PAN3: variants seen among roughly 807,000 people sequenced by gnomAD.
PAN3 encodes the protein poly(A) specific ribonuclease subunit PAN3.
A neutral mutation model predicts 96.2 loss-of-function variants in PAN3; 19 were observed. That is an observed-to-expected ratio of 0.20 (90% CI 0.14 to 0.29). The LOEUF is 0.29. Ranked by LOEUF, PAN3 falls within the 10% of genes least tolerant of loss-of-function variation. The pLI is 1.00. For synonymous variants in PAN3, 433 were observed against 406.6 expected (o/e 1.06, Z -0.78); for missense variants, 882 against 1,108.1 (o/e 0.80, Z 2.90).
At chr13:28,201,196 A>G (rs1053214982) in intron 5 of PAN3, among the ~76,000 whole-genome samples, 1 of 145,324 alleles carries the variant, frequency 6.9e-6, no homozygotes, top group African/African-American at 2.6e-5. Flanking sequence ...CACTGCACCC[A>G]CCTAATTTTT....
intron 5 of PAN3, among the ~76,000 whole-genome samples, chr13:28,219,356 C>T (rs1350331903): frequency 6.6e-6 from 1 of 151,590 alleles, no homozygotes; most frequent in East Asian, 1.9e-4. Flanking sequence ...TGATAATACT[C>T]GTTTTGGAGT....
At chr13:28,289,016 C>G (rs529791299) in intron 18 of PAN3, among the ~76,000 whole-genome samples, 93 of 151,914 alleles carry the variant, frequency 6.1e-4, no homozygotes, top group African/African-American at 2.2e-3. Context: ...TTAGTAGAGA[C>G]AGGATTTCAC....
At chr13:28,152,038 A>G (rs1236424504) in intron 1 of PAN3, among the ~76,000 whole-genome samples, 1 of 152,184 alleles carries the variant, frequency 6.6e-6, no homozygotes, top group Non-Finnish European at 1.5e-5. Context: ...AAATCTATTG[A>G]TAAATCAGTA....
chr13:28,189,893 A>G (rs190901047), intron 4 of PAN3, among the ~76,000 whole-genome samples: 3 of 152,164 alleles, frequency 2.0e-5, no homozygotes, highest in African/African-American at 4.8e-5. Flanking sequence ...TATATTTTCA[A>G]ACCTTTTCTT....
In PAN3 at chr13:28,138,952, C is replaced by G; in HGVS notation, c.295C>G (p.Pro99Ala). 1.5e-6 allele frequency: 2 copies of G among 1,310,908 alleles called. No homozygotes were observed. The highest frequency in any genetic ancestry group is 1.9e-6 in the Non-Finnish European group (2 of 1,030,886). The allele number at this position is 1,310,908 out of a possible 1,614,324, so 81.2% of individuals were successfully genotyped here. ...GGCTGGTGCACCCGTGGCCGGCTTTCCGCCGGGAGCCGTCGCGGGCGGGGG... is the reference window on the plus strand; with the variant it reads ...GGCTGGTGCACCCGTGGCCGGCTTTGCGCCGGGAGCCGTCGCGGGCGGGGG... ...ALAGAPVAGFPPGAVAGGGAG... is the reference protein window; with the variant it reads ...ALAGAPVAGFAPGAVAGGGAG... Residue 99 changes from proline (P) to alanine (A), a missense_variant, in exon 1 of 19, where the codon CCG becomes GCG. Physicochemically the swap from Pro to Ala is conservative, Grantham distance 27. Coordinates refer to ENST00000380958, the MANE Select transcript of PAN3 (RefSeq NM_175854.8).
At chr13:28,171,281 T>C (rs1874269620) in intron 1 of PAN3, among the ~76,000 whole-genome samples, 1 of 144,338 alleles carries the variant, frequency 6.9e-6, no homozygotes. Flanking sequence ...TGTTTTCTAC[T>C]ACACTCTCAC....
intron 15 of PAN3, among the ~76,000 whole-genome samples, chr13:28,279,979 A>G (rs566058511): frequency 6.6e-6 from 1 of 151,534 alleles, no homozygotes; most frequent in Non-Finnish European, 1.5e-5. Flanking sequence ...TTGTATTTTT[A>G]GTAGAGACGG....
intron 18 of PAN3, 78 bp from the exon 19 acceptor site, chr13:28,292,301 TTTA>T (rs1869854281): frequency 7.3e-7 from 1 of 1,364,192 alleles, no homozygotes; most frequent in African/African-American, 1.5e-5. Context: ...ATTTAGATAT[TTTA>T]TTTATTTTTG....
At chr13:28,280,359 T>A (rs1244614492) in intron 15 of PAN3, 53 bp from the exon 16 acceptor site, 38 of 1,553,110 alleles carry the variant, frequency 2.4e-5, no homozygotes, top group Non-Finnish European at 3.1e-5. Context: ...GGTTATCTTG[T>A]TTTTTAAATT....
At chr13:28,278,930 G>A (rs1887260641) in intron 15 of PAN3, among the ~76,000 whole-genome samples, 1 of 151,980 alleles carries the variant, frequency 6.6e-6, no homozygotes, top group Non-Finnish European at 1.5e-5. Context: ...CCAAATGCAG[G>A]ATACTTTGAA....
intron 3 of PAN3, among the ~76,000 whole-genome samples, chr13:28,176,924 C>T (rs1875090674): frequency 1.3e-5 from 2 of 151,524 alleles, no homozygotes; most frequent in Non-Finnish European, 2.9e-5. Flanking sequence ...GCTCTTTGCA[C>T]TATTAGTTAT....
At chr13:28,255,407 T>G (rs375135651) in intron 6 of PAN3, among the ~76,000 whole-genome samples, 4 of 152,230 alleles carry the variant, frequency 2.6e-5, no homozygotes, top group Non-Finnish European at 4.4e-5. Flanking sequence ...TGGGTTTTTT[T>G]AAGTTATTTT....
At chr13:28,268,629 G>C (rs1340770450) in intron 12 of PAN3, among the ~76,000 whole-genome samples, 1 of 152,114 alleles carries the variant, frequency 6.6e-6, no homozygotes, top group African/African-American at 2.4e-5. Context: ...GAAGGTCTCA[G>C]TCTATGGGGG....
intron 6 of PAN3, among the ~76,000 whole-genome samples, chr13:28,238,628 C>G (rs1340136347): frequency 6.6e-6 from 1 of 151,982 alleles, no homozygotes; most frequent in Non-Finnish European, 1.5e-5. Context: ...AGCATTGATA[C>G]TTTTTTTAAT....
intron 7 of PAN3, among the ~76,000 whole-genome samples, chr13:28,259,447 A>C (rs1387769477): frequency 6.6e-6 from 1 of 151,880 alleles, no homozygotes; most frequent in Non-Finnish European, 1.5e-5. Context: ...CTGGGAGTAC[A>C]GGTGCATGCC....
chr13:28,195,861 T>C (rs953562006), intron 4 of PAN3, among the ~76,000 whole-genome samples: 1 of 152,136 alleles, frequency 6.6e-6, no homozygotes, highest in Non-Finnish European at 1.5e-5. Context: ...AAAGACAGTA[T>C]AGCAGATGCA....
At position 28,218,361 on chromosome 13, in the gene PAN3, T is replaced by C. The variant is rs1048971582; in HGVS notation, c.853-1870T>C. Among the ~76,000 whole-genome samples the C allele has an allele frequency of 5.9e-5, 9 of 152,280 alleles. No individual in the cohort carries two copies. In the Middle Eastern group the frequency reaches 0.017, roughly 288 times the overall value. Reference sequence around the variant, plus strand: ...TTTTTCTGCCATTTAAATTATTTTATCTTTAATCTCAAGTGCTCACAGTTG... The same window carrying C: ...TTTTTCTGCCATTTAAATTATTTTACCTTTAATCTCAAGTGCTCACAGTTG... On this transcript the variant is annotated intron_variant, in intron 5 of 18. Coordinates refer to ENST00000380958, the MANE Select transcript of PAN3 (RefSeq NM_175854.8).
chr13:28,258,445 A>C (rs569580585), intron 7 of PAN3, among the ~76,000 whole-genome samples: 11 of 152,236 alleles, frequency 7.2e-5, no homozygotes, highest in Non-Finnish European at 1.3e-4. Context: ...TCCAGTTGAA[A>C]GAATGAAAGA....
At chr13:28,194,170 C>T (rs139380735) in intron 4 of PAN3, among the ~76,000 whole-genome samples, 1 of 150,534 alleles carries the variant, frequency 6.6e-6, no homozygotes, top group Non-Finnish European at 1.5e-5. Context: ...AAAAGAGACA[C>T]TGTCTCAAAA....
Sources: gnomAD v4.1 joint callset for allele counts (sites outside exome capture counted in the v4.1 genomes callset) on GRCh38, gnomAD v4.1.1 for gene constraint, MANE v1.5 for transcripts, NCBI Gene and HGNC (gene_info 2026-07-23, HGNC 2026-07-21) for gene names.